Variants in GDAP1 observed in about 807,000 individuals in gnomAD.
GDAP1 encodes the protein ganglioside-induced differentiation-associated protein 1.
GDAP1 carries 34 observed loss-of-function variants against 40.1 expected under a neutral mutation model. That is an observed-to-expected ratio of 0.85 (90% CI 0.64 to 1.13). The LOEUF (loss-of-function observed/expected upper bound fraction) is 1.13, where lower values mean the gene tolerates loss of function less well. GDAP1 is among the 50% of genes most tolerant of loss of function. The pLI, the probability that GDAP1 is intolerant of heterozygous loss-of-function variation, is 0.00. For missense variants in GDAP1, 374 were observed against 433.7 expected (o/e 0.86, Z 1.22); for synonymous variants, 170 against 157.4 (o/e 1.08, Z -0.60).
intron 2 of GDAP1, among the ~76,000 whole-genome samples, chr8:74,444,620 A>C (rs539811722): frequency 5.3e-5 from 8 of 152,216 alleles, no homozygotes; most frequent in Non-Finnish European, 8.8e-5. Context: ...TTCCAGTTCT[A>C]CATAATGTGA....
chr8:74,422,285 TTTTCTTTCTTTCTTTCTTTC>T lies in GDAP1; in HGVS notation c.166-66346_166-66327del, dbSNP rs556852017. On this transcript the variant is annotated intron_variant, in intron 2 of 2. Transcript: ENST00000523640. ...TCTTTTTCTTTTCTTTTCTTTTTTC[TTTTCTTTCTTTCTTTCTTTC>T]TTTCTTTCTTTCTTTCTTTCTTTCT... 3.1e-3 allele frequency among the ~76,000 whole-genome samples: 269 copies of T among 87,720 alleles called. 1 individual carries two copies. Among genetic ancestry groups the T allele is most frequent in the Middle Eastern group, 5.7e-3 (1 of 176 alleles). The allele number at this position is 87,720 out of a possible 152,430, so 57.5% of individuals were successfully genotyped here. A position where few individuals can be genotyped will look rare whatever the true frequency, so the allele number is the denominator to read the frequency against.
intron 2 of GDAP1, among the ~76,000 whole-genome samples, chr8:74,399,075 G>A (rs1810267310): frequency 6.6e-6 from 1 of 152,060 alleles, no homozygotes; most frequent in Non-Finnish European, 1.5e-5. Flanking sequence ...AAATGAGTTA[G>A]GGAGGATTTC....
At chr8:74,441,088 CTTCAAATTTACATTT>C (rs1806156898) in intron 2 of GDAP1, among the ~76,000 whole-genome samples, 1 of 152,140 alleles carries the variant, frequency 6.6e-6, no homozygotes, top group Non-Finnish European at 1.5e-5. Context: ...ACTTTTCTAA[CTTCAAATTTACATTT>C]TATGAGAGTC....
At chr8:74,394,218 A>G (rs1810157149) in intron 2 of GDAP1, among the ~76,000 whole-genome samples, 1 of 152,164 alleles carries the variant, frequency 6.6e-6, no homozygotes, top group African/African-American at 2.4e-5. Flanking sequence ...AAACCATCAG[A>G]TCTTATGAGA....
intron 2 of GDAP1, among the ~76,000 whole-genome samples, chr8:74,377,459 T>C (rs564926348): frequency 3.9e-5 from 6 of 152,320 alleles, no homozygotes; most frequent in Non-Finnish European, 7.4e-5. Flanking sequence ...TTGTTATTCA[T>C]CAAATCTCAT....
chr8:74,356,817 C>T (rs961187105), intron 2 of GDAP1, among the ~76,000 whole-genome samples: 5 of 150,438 alleles, frequency 3.3e-5, no homozygotes, highest in South Asian at 2.1e-4. Context: ...TGGGTTCAAG[C>T]GATTCCCCTG....
At chr8:74,431,754 T>TA (rs1806029521) in intron 2 of GDAP1, among the ~76,000 whole-genome samples, 1 of 152,138 alleles carries the variant, frequency 6.6e-6, no homozygotes, top group Non-Finnish European at 1.5e-5. Flanking sequence ...GTGCTGGAAT[T>TA]ACAGGTGTGA....
At chr8:74,417,383 G>C (rs1215083381) in intron 2 of GDAP1, among the ~76,000 whole-genome samples, 1 of 149,908 alleles carries the variant, frequency 6.7e-6, no homozygotes, top group Non-Finnish European at 1.5e-5. Context: ...TTCCCAACTA[G>C]TGTAATATGG....
intron 2 of GDAP1, among the ~76,000 whole-genome samples, chr8:74,359,233 G>A (rs1455185515): frequency 1.3e-5 from 2 of 152,188 alleles, no homozygotes; most frequent in Admixed American, 6.5e-5. Context: ...TTGTATCTGA[G>A]TGTACATGTT....
At chr8:74,459,575 G>T (rs938612266) in intron 2 of GDAP1, among the ~76,000 whole-genome samples, 1 of 152,124 alleles carries the variant, frequency 6.6e-6, no homozygotes, top group African/African-American at 2.4e-5. Flanking sequence ...GTGAATCAGG[G>T]TTTGTGGAAC....
At chr8:74,399,151 T>A (rs1359614815) in intron 2 of GDAP1, among the ~76,000 whole-genome samples, 9 of 152,076 alleles carry the variant, frequency 5.9e-5, no homozygotes, top group Admixed American at 1.3e-4. Flanking sequence ...TACCTCTGGT[T>A]GAATTCGGCT....
intron 2 of GDAP1, among the ~76,000 whole-genome samples, chr8:74,386,915 T>G (rs777061669): frequency 3.8e-4 from 58 of 152,282 alleles, no homozygotes; most frequent in Admixed American, 9.8e-4. Context: ...TTGTAAGTTG[T>G]ATTCCTAGGT....
intron 2 of GDAP1, among the ~76,000 whole-genome samples, chr8:74,470,759 G>A (rs1235194571): frequency 6.6e-5 from 10 of 152,134 alleles, no homozygotes; most frequent in Non-Finnish European, 1.2e-4. Context: ...AATCCTTTGC[G>A]TATATACCCA....
At chr8:74,376,682 C>A (rs1196448339) in intron 2 of GDAP1, 2 of 152,210 alleles carry the variant, frequency 1.3e-5, no homozygotes, top group Non-Finnish European at 2.9e-5. Context: ...TTAAGACTTA[C>A]AATAGGCTGG....
chr8:74,467,411 A>G (rs1806483792), intron 2 of GDAP1, among the ~76,000 whole-genome samples: 1 of 152,210 alleles, frequency 6.6e-6, no homozygotes, highest in Non-Finnish European at 1.5e-5. Flanking sequence ...AACCACTGTG[A>G]CATAAGTTCA....
chr8:74,472,426 A>C (rs903439048), intron 2 of GDAP1, among the ~76,000 whole-genome samples: 1 of 152,172 alleles, frequency 6.6e-6, no homozygotes, highest in Non-Finnish European at 1.5e-5. Context: ...ATGATAGAAT[A>C]ATTTATATTT....
intron 2 of GDAP1, among the ~76,000 whole-genome samples, chr8:74,462,623 T>C (rs1393997930): frequency 1.3e-5 from 2 of 152,122 alleles, no homozygotes; most frequent in Non-Finnish European, 2.9e-5. Flanking sequence ...CTTCAAGACA[T>C]TGAGACCTGT....
intron 2 of GDAP1, among the ~76,000 whole-genome samples, chr8:74,437,930 G>T (rs1183038870): frequency 6.6e-6 from 1 of 152,100 alleles, no homozygotes; most frequent in Non-Finnish European, 1.5e-5. Flanking sequence ...TTGCACATGT[G>T]CACTTGTCCA....
intron 2 of GDAP1, among the ~76,000 whole-genome samples, chr8:74,436,327 G>A (rs1407613051): frequency 6.6e-6 from 1 of 152,014 alleles, no homozygotes; most frequent in Non-Finnish European, 1.5e-5. Flanking sequence ...ATCTGGGGCT[G>A]AGTTTTGCAA....
Sources: allele counts gnomAD v4.1 joint callset (sites outside exome capture counted in the v4.1 genomes callset), GRCh38; gene constraint gnomAD v4.1.1; transcripts MANE v1.5; gene names NCBI Gene and HGNC (gene_info 2026-07-23, HGNC 2026-07-21).